The following SMTN variants were observed in gnomAD, a reference collection of about 807,000 sequenced individuals.
SMTN encodes smoothelin.
In SMTN, 58 loss-of-function variants were observed where a neutral mutation model predicts 102.0. That is an observed-to-expected ratio of 0.57 (90% CI 0.46 to 0.71). SMTN has a LOEUF of 0.71. Ranked by LOEUF, SMTN falls within the 30% of genes least tolerant of loss-of-function variation. SMTN has a pLI of 0.00. For synonymous variants in SMTN, 478 were observed against 497.9 expected (o/e 0.96, Z 0.53); for missense variants, 1,185 against 1,241.7 (o/e 0.95, Z 0.69).
rs1406055326 is a variant in SMTN, at chr22:31,071,954, C to T, written c.-386+7767C>T. On this transcript the variant is annotated intron_variant, in intron 1 of 3. Coordinates refer to the SMTN transcript ENST00000422839. The stretch of plus-strand genomic sequence containing the variant: ...CAAGCGATCCTCCCACCTCAGCCCC[C>T]CAAAGTGCTGGGATTACAGGCATAA... Among the ~76,000 whole-genome samples the T allele has an allele frequency of 5.3e-5, 8 of 152,130 alleles. No homozygotes were observed. The South Asian group carries it at 1.5e-3, about 28-fold the overall frequency.
rs367752206 is a variant in SMTN at position 31,088,760 on chromosome 22, G to C, written c.356G>C (p.Arg119Pro). 1.2e-6 allele frequency: 2 copies of C among 1,612,640 alleles called. No homozygotes were observed. The highest frequency in any genetic ancestry group is 1.7e-6 in the Non-Finnish European group (2 of 1,179,392). ...KLIRAAIRRV[R>P]AQEIEAATLA... Reference sequence around the variant, plus strand: ...ATCCGAGCTGCCATCCGCCGTGTACGGGCTCAGGAGATTGAGGGTATGTGG... The same window carrying C: ...ATCCGAGCTGCCATCCGCCGTGTACCGGCTCAGGAGATTGAGGGTATGTGG... The change falls in exon 5 of 21, where the codon CGG (arginine) becomes CCG (proline). Residue 119 changes from arginine to proline, a missense_variant. Physicochemically the swap from Arg to Pro is moderately radical, Grantham distance 103. This residue lies in a region of SMTN where 1,096 missense variants were observed against 1,112.7 expected (regional missense o/e 0.98). Coordinates refer to ENST00000333137, the MANE Select transcript of SMTN (RefSeq NM_134269.3).
upstream of SMTN, among the ~76,000 whole-genome samples, chr22:31,076,820 T>C (rs1380213313): frequency 6.6e-6 from 1 of 152,156 alleles, no homozygotes; most frequent in Admixed American, 6.5e-5. Flanking sequence ...AAGGGTTTGC[T>C]GGGATCCCAC....
At chr22:31,069,444 A>G (rs2041946283) in intron 1 of SMTN, among the ~76,000 whole-genome samples, 1 of 152,172 alleles carries the variant, frequency 6.6e-6, no homozygotes, top group African/African-American at 2.4e-5. Context: ...GGGGATTGCC[A>G]TGTGAAGTTT....
intron 1 of SMTN, chr22:31,082,753 GC>G: frequency 1.0e-6 from 1 of 1,000,294 alleles, no homozygotes. Context: ...CAGAAGCTGA[GC>G]CTGCGGAGTG....
intron 19 of SMTN, 121 bp from the exon 20 acceptor site, chr22:31,100,762 GTA>G: frequency 1.6e-6 from 1 of 625,824 alleles, no homozygotes; most frequent in Non-Finnish European, 2.9e-6. Context: ...GTGTGTGTGT[GTA>G]TGTGTGTGTG....
rs774096000 is a variant in SMTN, at chr22:31,095,426, A to G, written c.1756A>G (p.Ile586Val). 5 of 1,614,232 alleles carry G rather than the reference A, an allele frequency of 3.1e-6. No homozygotes were observed. The highest frequency in any genetic ancestry group is 2.2e-5 in the East Asian group (1 of 44,878). Residue 586 changes from isoleucine (I) to valine (V), a missense_variant, in exon 12 of 21, where the codon ATT (isoleucine) becomes GTT (valine). By Grantham distance (29) the Ile-to-Val change is conservative. Around this residue, in one of 2 missense-constraint regions of SMTN, gnomAD observed 1,096 missense variants for 1,112.7 expected, o/e 0.98. Transcript: ENST00000333137. This position sits in a 1 kb window ranked among gnomAD's most constrained non-coding sequence, Gnocchi z 4.1. ...TCTGAGCGCTGAGGAGCTGATGACT[A>G]TTGAGGATGAAGGAGTCTTGGACAA... ...SPLSAEELMTIEDEGVLDKML... is the reference protein window; with the variant it reads ...SPLSAEELMTVEDEGVLDKML...
At chr22:31,087,764 A>T (rs188411127) in intron 2 of SMTN, 29 of 506,292 alleles carry the variant, frequency 5.7e-5, no homozygotes, top group African/African-American at 5.6e-4. Flanking sequence ...ACCACAATGC[A>T]AAGTGGACTA....
intron 17 of SMTN, 45 bp downstream of exon 17, chr22:31,098,885 A>T: frequency 3.2e-6 from 4 of 1,245,058 alleles, no homozygotes; most frequent in Non-Finnish European, 4.5e-6. Flanking sequence ...GGGGCGTGAT[A>T]GGCAGTGGGG....
At chr22:31,093,229 C>T (rs957363258) in intron 11 of SMTN, 10 of 252,954 alleles carry the variant, frequency 4.0e-5, no homozygotes, top group Non-Finnish European at 6.3e-5. Context: ...GGGCAGGCCC[C>T]CCCTCCCCCA....
rs767009720 is a variant in SMTN, at chr22:31,093,599, T to C, written c.1633-1704T>C. 5 of 754,496 alleles carry C rather than the reference T, an allele frequency of 6.6e-6. No individual in the cohort carries two copies. In the East Asian group the frequency reaches 1.2e-4, roughly 19 times the overall value. The allele number at this position is 754,496 out of a possible 1,614,324, so 46.7% of individuals were successfully genotyped here. On this transcript the variant is annotated intron_variant, in intron 11 of 20. Transcript: ENST00000333137. The stretch of plus-strand genomic sequence containing the variant: ...GTAGCTGTAGCCACCGTGGAGCCGG[T>C]GGCCCGGGCAGCTGAAGAGCTGCGG...
At position 31,095,586 on chromosome 22, in the gene SMTN, G is replaced by C. The variant is rs749272524; in HGVS notation, c.1838G>C (p.Arg613Pro). ...CGGAAGCTCATCCGGGCTGCACTTC[G>C]TGAGCTCCGACAAAGGAAGAGAGGT... ...EERKLIRAALRELRQRKRDQR... is the reference protein window; with the variant it reads ...EERKLIRAALPELRQRKRDQR... The change falls in exon 13 of 21, where the codon CGT becomes CCT. Residue 613 changes from arginine to proline, a missense_variant. Around this residue, in one of 2 missense-constraint regions of SMTN, gnomAD observed 1,096 missense variants for 1,112.7 expected, o/e 0.98. Transcript: ENST00000333137. The surrounding 1 kb of genome is among the most constrained non-coding windows in gnomAD (Gnocchi z 4.1). 2 of 1,613,594 alleles carry C rather than the reference G, an allele frequency of 1.2e-6. No individual in the cohort carries two copies. The highest frequency in any genetic ancestry group is 8.5e-7 in the Non-Finnish European group (1 of 1,179,832).
chr22:31,078,545 A>G (rs970825356), upstream of SMTN, among the ~76,000 whole-genome samples: 20 of 152,332 alleles, frequency 1.3e-4, no homozygotes, highest in African/African-American at 4.8e-4. Flanking sequence ...TGCCCACAAG[A>G]TACATTCATC....
Position 31,091,819 on chromosome 22 carries a change from C to A in SMTN, c.1604C>A (p.Pro535His). The change falls in exon 11 of 21, where the codon CCC becomes CAC. Residue 535 changes from proline to histidine, a missense_variant. This residue lies in a region of SMTN where 1,096 missense variants were observed against 1,112.7 expected (regional missense o/e 0.98). Transcript: ENST00000333137. ...THVTSFSHAPPSSRGGCSIKM... is the reference protein window; with the variant it reads ...THVTSFSHAPHSSRGGCSIKM... ...GTCACCAGCTTCAGCCATGCCCCCC[C>A]CAGTAGCCGAGGAGGCTGCAGCATC... 6.2e-7 allele frequency: 1 copy of A among 1,601,154 alleles called. No homozygotes were observed. The highest frequency in any genetic ancestry group is 8.5e-7 in the Non-Finnish European group (1 of 1,173,034).
At chr22:31,104,028 C>T in intron 20 of SMTN, 1 of 438,524 alleles carries the variant, frequency 2.3e-6, no homozygotes, top group African/African-American at 1.9e-5. Context: ...GGAGCCAGCA[C>T]CTCCCCAGGG....
chr22:31,083,502 G>A lies in SMTN; in HGVS notation c.51+193G>A, dbSNP rs2042449002. On this transcript the variant is annotated intron_variant, in intron 2 of 20. Coordinates refer to ENST00000333137, the MANE Select transcript of SMTN (RefSeq NM_134269.3). ...TTGTGGCATGTGCCTGTCCATGCCT[G>A]GTACTGAAGCCTAGTCCCTCCCAAC... The A allele has an allele frequency of 6.2e-6, 4 of 649,842 alleles. No individual in the cohort carries two copies. The East Asian group carries it at 1.2e-4, about 19-fold the overall frequency. The allele number at this position is 649,842 out of a possible 1,614,324, so 40.3% of individuals were successfully genotyped here. A position where few individuals can be genotyped will look rare whatever the true frequency, so the allele number is the denominator to read the frequency against.
At position 31,093,671 on chromosome 22, in the gene SMTN, AGGTGGAGGTGCTGAGCCTACGGCTGGG is replaced by A. The variant is rs746020201; in HGVS notation, c.1633-1628_1633-1602del. On this transcript the variant is annotated intron_variant, in intron 11 of 20. Coordinates refer to ENST00000333137, the MANE Select transcript of SMTN (RefSeq NM_134269.3). ...CGGCGGCTGGATGCACTGAGCAGGC[AGGTGGAGGTGCTGAGCCTACGGCTGGG>A]GGTCCCACTTGTGTCCGGCCTTGAG... 8.5e-6 allele frequency: 7 copies of A among 820,098 alleles called. No individual in the cohort carries two copies. The South Asian group carries it at 9.5e-5, about 11-fold the overall frequency. The allele number at this position is 820,098 out of a possible 1,614,324, so 50.8% of individuals were successfully genotyped here. A position where few individuals can be genotyped will look rare whatever the true frequency, so the allele number is the denominator to read the frequency against.
At chr22:31,078,072 C>T (rs541990754), upstream of SMTN, among the ~76,000 whole-genome samples, 5 of 152,330 alleles carry the variant, frequency 3.3e-5, no homozygotes, top group Non-Finnish European at 5.9e-5. Flanking sequence ...ATGCTGTTCC[C>T]GTCTCCAGAA....
Position 31,104,450 on chromosome 22 carries a change from G to A in SMTN, c.*155G>A, listed in dbSNP as rs776460196. 6.2e-6 allele frequency: 10 copies of A among 1,613,696 alleles called. No homozygotes were observed. The Admixed American group carries it at 1.5e-4, about 24-fold the overall frequency. ...CTGCGACGCCACGAACTGCGCCTGC[G>A]CGGCAAGAATGTCTAGCCTGCCCGC... On this transcript the variant is annotated 3_prime_UTR_variant, in exon 21 of 21. Coordinates refer to ENST00000333137, the MANE Select transcript of SMTN (RefSeq NM_134269.3).
In SMTN at chr22:31,095,709, TG is replaced by T; in HGVS notation, c.1861+101del. The T allele has an allele frequency of 9.8e-7, 1 of 1,025,332 alleles. No homozygotes were observed. The highest frequency in any genetic ancestry group is 1.4e-6 in the Non-Finnish European group (1 of 693,924). 63.5% of individuals were successfully genotyped at this position (1,025,332 alleles called of 1,614,324 possible). A position where few individuals can be genotyped will look rare whatever the true frequency, so the allele number is the denominator to read the frequency against. Reference sequence around the variant, plus strand: ...TTTGTGGACACCCCAGCTTAATAACTGCCCTACCCAGCTTCTCCTTCTCTAG... The same window carrying T: ...TTTGTGGACACCCCAGCTTAATAACTCCCTACCCAGCTTCTCCTTCTCTAG... On this transcript the variant is annotated intron_variant, in intron 13 of 20. Transcript: ENST00000333137. This position sits in a 1 kb window ranked among gnomAD's most constrained non-coding sequence, Gnocchi z 4.1.
Sources: allele counts gnomAD v4.1 joint callset (sites outside exome capture counted in the v4.1 genomes callset), GRCh38; gene constraint gnomAD v4.1.1; regional missense constraint gnomAD v4.1.1; non-coding constraint Gnocchi (gnomAD v3.1); transcripts MANE v1.5; gene names NCBI Gene and HGNC (gene_info 2026-07-23, HGNC 2026-07-21).